TRIM39: variants seen among roughly 807,000 people sequenced by gnomAD.
TRIM39 encodes tripartite motif containing 39, also known as E3 ubiquitin-protein ligase TRIM39.
TRIM39 carries 5 observed loss-of-function variants against 53.6 expected under a neutral mutation model. That is an observed-to-expected ratio of 0.09 (90% CI 0.05 to 0.20). The LOEUF is 0.20. TRIM39 is among the 10% of genes least tolerant of loss of function. TRIM39 has a pLI of 1.00. For synonymous variants in TRIM39, 196 were observed against 237.6 expected (o/e 0.82, Z 1.61); for missense variants, 310 against 621.0 (o/e 0.50, Z 5.32).
intron 5 of TRIM39, among the ~76,000 whole-genome samples, chr6:30,337,792 C>T (rs1420211125): frequency 1.1e-4 from 17 of 152,214 alleles, no homozygotes; most frequent in Non-Finnish European, 1.5e-5. Context: ...ATTGACTTCT[C>T]TCGAACTGTG....
chr6:30,336,621 T>C (rs957645817), intron 5 of TRIM39, among the ~76,000 whole-genome samples: 8 of 152,254 alleles, frequency 5.3e-5, no homozygotes, highest in Non-Finnish European at 8.8e-5. Flanking sequence ...TCTGAGCATG[T>C]GATGCTGTTT....
intron 3 of TRIM39, 68 bp from the exon 4 acceptor site, chr6:30,330,713 A>G (rs914610252): frequency 2.6e-6 from 4 of 1,528,900 alleles, no homozygotes; most frequent in Non-Finnish European, 3.6e-6. Context: ...AAATGGTTTA[A>G]TCTCTGAATG....
At chr6:30,341,773 G>A (rs1787581403) in exon 8 of TRIM39, 1 of 1,613,036 alleles carries the variant, frequency 6.2e-7, no homozygotes, top group East Asian at 2.2e-5. Context: ...AGGATCGTAA[G>A]AGCGTCAAGT....
chr6:30,333,757 G>T (rs1422708378), intron 4 of TRIM39, among the ~76,000 whole-genome samples: 1 of 152,156 alleles, frequency 6.6e-6, no homozygotes, highest in African/African-American at 2.4e-5. Flanking sequence ...AGGAGTGCTT[G>T]CGTCATTGTC....
exon 8 of TRIM39, chr6:30,343,540 G>T (rs528573703): frequency 1.5e-4 from 23 of 152,738 alleles, no homozygotes; most frequent in African/African-American, 5.3e-4. Flanking sequence ...TCTGCTATTC[G>T]GGTAATCTTC....
intron 4 of TRIM39, among the ~76,000 whole-genome samples, chr6:30,334,815 A>G (rs1186280272): frequency 6.6e-6 from 1 of 152,180 alleles, no homozygotes. Flanking sequence ...CACTAACTCA[A>G]ACTCCAGTGT....
At position 30,339,382 on chromosome 6, in the gene TRIM39, C is replaced by G. The variant is rs1400888929; in HGVS notation, c.781-526C>G. The stretch of plus-strand genomic sequence containing the variant: ...TAGGCTGGTCTTGAACTCCTGACCT[C>G]AAGTGATCCACCCGTCTTGGCCTCC... On this transcript the variant is annotated intron_variant, in intron 5 of 7. Transcript: ENST00000396551. This position sits in a 1 kb window ranked among gnomAD's most constrained non-coding sequence, Gnocchi z 4.2. Among the ~76,000 whole-genome samples, 1 of 152,160 alleles carries G rather than the reference C, an allele frequency of 6.6e-6. No homozygotes were observed. Among genetic ancestry groups the G allele is most frequent in the Admixed American group, 6.5e-5 (1 of 15,274 alleles).
chr6:30,328,054 A>C (rs936038820), intron 1 of TRIM39, among the ~76,000 whole-genome samples: 1 of 152,186 alleles, frequency 6.6e-6, no homozygotes, highest in Non-Finnish European at 1.5e-5. Context: ...AAAAGTATGG[A>C]TGTTTTAAGG....
exon 3 of TRIM39, chr6:30,329,436 T>C: frequency 6.2e-7 from 1 of 1,613,036 alleles, no homozygotes; most frequent in Non-Finnish European, 8.5e-7. Flanking sequence ...AAGGAACCTG[T>C]CATCATTGAG....
chr6:30,327,941 A>G (rs770788958), intron 1 of TRIM39, among the ~76,000 whole-genome samples: 6 of 152,254 alleles, frequency 3.9e-5, no homozygotes, highest in Admixed American at 2.0e-4. Flanking sequence ...CTCTCAGCAC[A>G]TAGATCTACC....
intron 3 of TRIM39, among the ~76,000 whole-genome samples, chr6:30,330,340 T>C (rs1246084572): frequency 6.6e-6 from 1 of 152,258 alleles, no homozygotes; most frequent in Non-Finnish European, 1.5e-5. Flanking sequence ...TGCTTAGTTA[T>C]GTTACTCTTG....
rs967110205 is a variant in TRIM39 at position 30,342,924 on chromosome 6, G to C, written c.*665G>C. Reference sequence around the variant, plus strand: ...TAAGATTGGCCAGAGGTAGGAATGTGGGGAGAAGGAGAGGCTGAAAAGAAA... The same window carrying C: ...TAAGATTGGCCAGAGGTAGGAATGTCGGGAGAAGGAGAGGCTGAAAAGAAA... On this transcript the variant is annotated 3_prime_UTR_variant, in exon 8 of 8. Coordinates refer to ENST00000396551, the Ensembl canonical transcript of TRIM39. The surrounding 1 kb of genome is among the most constrained non-coding windows in gnomAD (Gnocchi z 4.7). The C allele has an allele frequency of 2.6e-5, 4 of 152,830 alleles. No individual in the cohort carries two copies. The highest frequency in any genetic ancestry group is 9.7e-5 in the African/African-American group (4 of 41,444). The allele number at this position is 152,830 out of a possible 1,614,324, so 9.5% of individuals were successfully genotyped here.
chr6:30,331,784 T>C (rs1786210391), intron 4 of TRIM39, among the ~76,000 whole-genome samples: 1 of 152,236 alleles, frequency 6.6e-6, no homozygotes, highest in Admixed American at 6.5e-5. Context: ...TTCTTAATTT[T>C]CATACAATTT....
intron 3 of TRIM39, among the ~76,000 whole-genome samples, chr6:30,330,242 A>G (rs1027003689): frequency 3.3e-5 from 5 of 152,230 alleles, no homozygotes; most frequent in South Asian, 4.1e-4. Context: ...GTAACATGGC[A>G]TATCATTTAA....
intron 5 of TRIM39, among the ~76,000 whole-genome samples, chr6:30,337,921 A>T (rs1233050825): frequency 2.0e-5 from 3 of 152,204 alleles, no homozygotes; most frequent in Non-Finnish European, 4.4e-5. Flanking sequence ...ACTTGCTGCA[A>T]CTTCTGCATC....
exon 3 of TRIM39, chr6:30,329,359 C>T: frequency 6.2e-7 from 1 of 1,613,074 alleles, no homozygotes; most frequent in Non-Finnish European, 8.5e-7. Flanking sequence ...CCTCTGCAGC[C>T]TCTACAGCTG....
At chr6:30,328,797 G>A (rs964141603) in intron 1 of TRIM39, 92 bp from the exon 2 acceptor site, 1 of 153,162 alleles carries the variant, frequency 6.5e-6, no homozygotes, top group Non-Finnish European at 1.5e-5. Flanking sequence ...TTAGACTCCA[G>A]TGGATTAATC....
Position 30,341,577 on chromosome 6 carries a change from G to A in TRIM39, c.920-135G>A, listed in dbSNP as rs543772905. On this transcript the variant is annotated intron_variant, in intron 7 of 7. Coordinates refer to ENST00000396551, the Ensembl canonical transcript of TRIM39. ...TTCCTTAGGTGACACCATGGATTGA[G>A]AAAGTTAACCAAACCAGGTTGTTCT... The A allele has an allele frequency of 9.6e-6, 13 of 1,349,200 alleles. No individual in the cohort carries two copies. The South Asian group carries it at 1.7e-4, about 18-fold the overall frequency. 83.6% of individuals were successfully genotyped at this position (1,349,200 alleles called of 1,614,324 possible).
intron 4 of TRIM39, 114 bp downstream of exon 4, chr6:30,330,990 C>G: frequency 7.9e-7 from 1 of 1,264,230 alleles, no homozygotes; most frequent in Non-Finnish European, 1.1e-6. Flanking sequence ...GCAGTTCTCG[C>G]CGGACATGGT....
Sources: gnomAD v4.1 joint callset for allele counts (sites outside exome capture counted in the v4.1 genomes callset) on GRCh38, gnomAD v4.1.1 for gene constraint, Gnocchi (gnomAD v3.1) non-coding constraint, MANE v1.5 for transcripts, NCBI Gene and HGNC (gene_info 2026-07-23, HGNC 2026-07-21) for gene names.